Variants in TNK1 observed in about 807,000 individuals in gnomAD.
TNK1 encodes the protein tyrosine kinase non receptor 1.
A neutral mutation model predicts 65.2 loss-of-function variants in TNK1; 53 were observed. The observed-to-expected ratio is 0.81, with a 90% CI of 0.65 to 1.02. The LOEUF (loss-of-function observed/expected upper bound fraction) is 1.02. Among genes scored for constraint, TNK1 ranks in the 50% least tolerant of loss-of-function variants. TNK1 has a pLI of 0.00. For synonymous variants in TNK1, 353 were observed against 364.6 expected, an observed-to-expected ratio of 0.97 and a Z score of 0.36; for missense variants, 837 against 878.4, an observed-to-expected ratio of 0.95 and a Z score of 0.60.
chr17:7,388,376 G>A lies in TNK1; in HGVS notation c.1478-30G>A. ...GGAGGCGGAGGCTGCAGCCAGCCGA[G>A]TTCAAGTTGTTTCCTTCTCAACTGT... On this transcript the variant is annotated intron_variant, in intron 10 of 12. Coordinates refer to ENST00000688331, the MANE Select transcript of TNK1 (RefSeq NM_003985.6). This position sits in a 1 kb window ranked among gnomAD's most constrained non-coding sequence, Gnocchi z 4.5. 1.3e-6 allele frequency: 2 copies of A among 1,560,802 alleles called. No homozygotes were observed. Among genetic ancestry groups the A allele is most frequent in the South Asian group, 1.2e-5 (1 of 82,948 alleles).
chr17:7,381,187 C>T (rs111740605), intron 1 of TNK1, 73 bp downstream of exon 1: 2,642 of 152,468 alleles, frequency 0.017, 52 homozygotes, highest in Admixed American at 0.031. Context: ...GGGGCGCGTC[C>T]GGGGGGCGCT....
chr17:7,385,419 A>C (rs1351755605), intron 7 of TNK1, among the ~76,000 whole-genome samples: 2 of 151,736 alleles, frequency 1.3e-5, no homozygotes, highest in South Asian at 2.1e-4. Context: ...AGAGAGCAGG[A>C]GCTGTGTCAT....
intron 10 of TNK1, among the ~76,000 whole-genome samples, chr17:7,387,899 C>T (rs550089064): frequency 1.3e-5 from 2 of 152,272 alleles, no homozygotes; most frequent in Admixed American, 6.5e-5. Context: ...ACACTGCGTC[C>T]GGCCCTATAC....
chr17:7,383,096 G>C lies in TNK1; in HGVS notation c.163+7G>C, dbSNP rs528505771. 8.1e-6 allele frequency: 13 copies of C among 1,613,786 alleles called. No homozygotes were observed. In the East Asian group the frequency reaches 1.1e-4, roughly 14 times the overall value. On this transcript the variant is annotated splice_region_variant and intron_variant, in intron 2 of 12. Coordinates refer to ENST00000688331, the MANE Select transcript of TNK1 (RefSeq NM_003985.6). ...ATTGGCATGGGCCGGCCTGGTGAGG[G>C]ACCCCTGCCCCGAGGCCCTGGTCTC...
In TNK1 at chr17:7,383,581, C is replaced by A. The variant is rs1162007857; in HGVS notation, c.391C>A (p.His131Asn). The A allele has an allele frequency of 1.9e-6, 3 of 1,609,520 alleles. No individual in the cohort carries two copies. Among genetic ancestry groups the A allele is most frequent in the Non-Finnish European group, 2.5e-6 (3 of 1,177,360 alleles). ...GGGTTCAGGCTGCTTCGGTGTGGTG[C>A]ACCGAGGGCTGTGGACGCTGCCCAG... ...LLGSGCFGVV[H>N]RGLWTLPSGK... The change falls in exon 4 of 13, where the codon CAC becomes AAC. Residue 131 changes from histidine (H) to asparagine (N), a missense_variant. Transcript: ENST00000688331.
At chr17:7,383,399 T>C (rs1904947542) in intron 3 of TNK1, 26 bp from the exon 4 acceptor site, 1 of 1,613,840 alleles carries the variant, frequency 6.2e-7, no homozygotes, top group East Asian at 2.2e-5. Flanking sequence ...GGGCTCTGCA[T>C]ACCGGATTTC....
At chr17:7,386,703 C>T in intron 8 of TNK1, 48 bp downstream of exon 8, 1 of 1,457,186 alleles carries the variant, frequency 6.9e-7, no homozygotes, top group Non-Finnish European at 9.4e-7. Context: ...GGATACCCTC[C>T]CAGCCTAATT....
At chr17:7,383,213 C>G (rs745859668) in intron 2 of TNK1, 37 bp from the exon 3 acceptor site, 17 of 1,613,676 alleles carry the variant, frequency 1.1e-5, no homozygotes, top group South Asian at 2.2e-5. Flanking sequence ...TTCCCCACAC[C>G]CACCTCCACT....
At chr17:7,386,706 G>C (rs1179516997) in intron 8 of TNK1, 51 bp downstream of exon 8, 2 of 1,427,466 alleles carry the variant, frequency 1.4e-6, no homozygotes, top group Non-Finnish European at 1.9e-6. Flanking sequence ...TACCCTCCCA[G>C]CCTAATTCCT....
rs756176354 is a variant in TNK1, at chr17:7,383,429, T to C, written c.239T>C (p.Leu80Pro). 1.2e-6 allele frequency: 2 copies of C among 1,613,854 alleles called. No individual in the cohort carries two copies. Among genetic ancestry groups the C allele is most frequent in the Non-Finnish European group, 1.7e-6 (2 of 1,179,876 alleles). Reference sequence around the variant, plus strand: ...GATTTCCCATCCCTGTTTCAGATCCTTGGAGGTTTTGCCCCTGAGCACAAG... The same window carrying C: ...GATTTCCCATCCCTGTTTCAGATCCCTGGAGGTTTTGCCCCTGAGCACAAG... Reference protein sequence around the residue: ...PKSKNWVYKILGGFAPEHKEP... With the variant: ...PKSKNWVYKIPGGFAPEHKEP... Residue 80 changes from leucine (L) to proline (P), a missense_variant, in exon 4 of 13, where the codon CTT becomes CCT. Physicochemically the swap from Leu to Pro is moderately conservative, Grantham distance 98 (BLOSUM62 -3). Coordinates refer to ENST00000688331, the MANE Select transcript of TNK1 (RefSeq NM_003985.6).
Position 7,386,980 on chromosome 17 carries a change from C to T in TNK1, c.1233-10C>T, listed in dbSNP as rs774247073. On this transcript the variant is annotated splice_polypyrimidine_tract_variant and intron_variant, in intron 8 of 12. Transcript: ENST00000688331. Reference sequence around the variant, plus strand: ...ATTCCCATCCTATTTACCAGCTCCTCTTTCCACAGCCCCGACTCCACAATC... The same window carrying T: ...ATTCCCATCCTATTTACCAGCTCCTTTTTCCACAGCCCCGACTCCACAATC... 3.9e-6 allele frequency: 6 copies of T among 1,541,592 alleles called. No homozygotes were observed. The Admixed American group carries it at 8.1e-5, about 21-fold the overall frequency.
intron 10 of TNK1, 140 bp downstream of exon 10, chr17:7,387,597 C>T (rs1452977856): frequency 5.0e-6 from 3 of 600,234 alleles, no homozygotes; most frequent in East Asian, 6.8e-5. Context: ...CTATACTGTG[C>T]AATCTATTTT....
At chr17:7,385,336 G>A (rs1905120066) in intron 7 of TNK1, among the ~76,000 whole-genome samples, 1 of 147,086 alleles carries the variant, frequency 6.8e-6, no homozygotes, top group African/African-American at 2.5e-5. Flanking sequence ...TCGCACTCCA[G>A]CCTGGGCAAA....
chr17:7,387,083 C>G lies in TNK1; in HGVS notation c.1326C>G (p.Gly442=), dbSNP rs1905220647. Residue 442 remains glycine (G), a synonymous_variant, in exon 9 of 13, where the codon GGC becomes GGG. Transcript: ENST00000688331. ...CAGTGACGCTGGCAGATGCGGGGGGCTTGCCAGCCACCCGTCCAGTCCACA... is the reference window on the plus strand; with the variant it reads ...CAGTGACGCTGGCAGATGCGGGGGGGTTGCCAGCCACCCGTCCAGTCCACA... The part of the protein sequence containing the change: ...ASAVTLADAG[G]LPATRPVHRG... 1 of 1,612,978 alleles carries G rather than the reference C, an allele frequency of 6.2e-7. No homozygotes were observed. Among genetic ancestry groups the G allele is most frequent in the South Asian group, 1.1e-5 (1 of 90,876 alleles).
At chr17:7,385,530 A>T (rs1235805300) in intron 7 of TNK1, among the ~76,000 whole-genome samples, 1 of 152,142 alleles carries the variant, frequency 6.6e-6, no homozygotes, top group Admixed American at 6.6e-5. Context: ...AGATTCGCTC[A>T]TTTAATGCTC....
At chr17:7,384,838 C>T in intron 7 of TNK1, 84 bp downstream of exon 7, 4 of 1,477,968 alleles carry the variant, frequency 2.7e-6, no homozygotes, top group Non-Finnish European at 3.6e-6. Flanking sequence ...ACTAACACAT[C>T]TAGATGTCTG....
intron 7 of TNK1, among the ~76,000 whole-genome samples, chr17:7,385,270 C>T (rs934167533): frequency 4.0e-5 from 6 of 150,686 alleles, no homozygotes; most frequent in Non-Finnish European, 7.4e-5. Flanking sequence ...GAGGCTGAGG[C>T]AGGAGAATCG....
At position 7,383,419 on chromosome 17, in the gene TNK1, T is replaced by C; in HGVS notation, c.235-6T>C. Reference sequence around the variant, plus strand: ...CTGCATACCGGATTTCCCATCCCTGTTTCAGATCCTTGGAGGTTTTGCCCC... The same window carrying C: ...CTGCATACCGGATTTCCCATCCCTGCTTCAGATCCTTGGAGGTTTTGCCCC... On this transcript the variant is annotated splice_polypyrimidine_tract_variant and splice_region_variant and intron_variant, in intron 3 of 12. Transcript: ENST00000688331. 6.2e-7 allele frequency: 1 copy of C among 1,613,988 alleles called. No homozygotes were observed. The highest frequency in any genetic ancestry group is 8.5e-7 in the Non-Finnish European group (1 of 1,179,880).
At position 7,384,708 on chromosome 17, in the gene TNK1, C is replaced by T. The variant is rs1281786332; in HGVS notation, c.1091C>T (p.Pro364Leu). 1.4e-5 allele frequency: 22 copies of T among 1,589,522 alleles called. No homozygotes were observed. The highest frequency in any genetic ancestry group is 1.8e-5 in the Non-Finnish European group (21 of 1,171,020). Reference protein sequence around the residue: ...SLALRCWAPHPADRPSFSHLE... With the variant: ...SLALRCWAPHLADRPSFSHLE... ...GCCTTGCGCTGCTGGGCCCCCCACC[C>T]TGCCGACCGGCCTAGCTTTTCCCAC... Residue 364 changes from proline (P) to leucine (L), a missense_variant, in exon 7 of 13, where the codon CCT (proline) becomes CTT (leucine). By Grantham distance (98) the Pro-to-Leu change is moderately conservative (BLOSUM62 -3). Transcript: ENST00000688331.
Sources: allele counts gnomAD v4.1 joint callset (sites outside exome capture counted in the v4.1 genomes callset), GRCh38; gene constraint gnomAD v4.1.1; non-coding constraint Gnocchi (gnomAD v3.1); transcripts MANE v1.5; gene names NCBI Gene and HGNC (gene_info 2026-07-23, HGNC 2026-07-21).